MIDN: variants seen among roughly 807,000 people sequenced by gnomAD.
The protein encoded by MIDN is midbrain nucleolar protein.
MIDN carries 26 observed loss-of-function variants against 46.1 expected under a neutral mutation model. The observed-to-expected ratio is 0.56, with a 90% confidence interval of 0.41 to 0.78. The LOEUF is 0.78. Among genes scored for constraint, MIDN ranks in the 30% least tolerant of loss-of-function variants. The pLI, the probability that MIDN is intolerant of heterozygous loss-of-function variation, is 0.00. For missense variants in MIDN, 850 were observed against 771.8 expected, an observed-to-expected ratio of 1.10 and a Z score of -1.20; for synonymous variants, 432 against 343.3, an observed-to-expected ratio of 1.26 and a Z score of -2.86.
Position 1,257,475 on chromosome 19 carries a change from C to T in MIDN, c.*203C>T, listed in dbSNP as rs370809735. The T allele has an allele frequency of 3.9e-5, 21 of 538,894 alleles. No individual in the cohort carries two copies. The highest frequency in any genetic ancestry group is 4.9e-5 in the Non-Finnish European group (15 of 306,890). 33.4% of individuals were successfully genotyped at this position (538,894 alleles called of 1,614,324 possible). A position where few individuals can be genotyped will look rare whatever the true frequency, so the allele number is the denominator to read the frequency against. On this transcript the variant is annotated 3_prime_UTR_variant, in exon 9 of 9. Transcript: ENST00000682408. ...CGTGGTTTCCTGGACTCTTCATGGG[C>T]TTTGCTTCCTACCTCCTTCACCCTT...
intron 8 of MIDN, among the ~76,000 whole-genome samples, chr19:1,256,339 C>G (rs1018249256): frequency 2.0e-5 from 3 of 152,110 alleles, no homozygotes; most frequent in Non-Finnish European, 2.9e-5. Context: ...AAAAATTAGC[C>G]AGGCGTGGTG....
chr19:1,252,441 C>G (rs75706642), intron 4 of MIDN, among the ~76,000 whole-genome samples: 1 of 152,124 alleles, frequency 6.6e-6, no homozygotes, highest in East Asian at 1.9e-4. Flanking sequence ...GGTGCCCAGC[C>G]CTGGGGCCAG....
rs1448932636 is a variant in MIDN at position 1,255,690 on chromosome 19, C to G, written c.1254C>G (p.Pro418=). The G allele has an allele frequency of 1.3e-6, 2 of 1,573,100 alleles. No individual in the cohort carries two copies. The highest frequency in any genetic ancestry group is 1.7e-6 in the Non-Finnish European group (2 of 1,162,998). ...AGAGCCAGATCCGCATGTGCAAGCC[C>G]CCGGGTGAGTGGCCACCCTCGGGGG... ...QGQSQIRMCK[P]PGDRLRQTEN... is the part of the protein sequence containing the mutation. The change falls in exon 8 of 9, where the codon CCC becomes CCG. Residue 418 remains proline (P), a synonymous_variant. Coordinates refer to ENST00000682408, the MANE Select transcript of MIDN (RefSeq NM_001388306.1).
chr19:1,254,450 C>G lies in MIDN; in HGVS notation c.797C>G (p.Ser266Cys). The change falls in exon 6 of 9, where the codon TCC becomes TGC. Residue 266 changes from serine to cysteine, a missense_variant. By Grantham distance (112) the Ser-to-Cys change is moderately radical. Transcript: ENST00000682408. Reference sequence around the variant, plus strand: ...CCCATCACAGCCGGCTCCTTCCGGTCCCACGCAGCCTCCACCACCTGCCCG... The same window carrying G: ...CCCATCACAGCCGGCTCCTTCCGGTGCCACGCAGCCTCCACCACCTGCCCG... The part of the protein sequence containing the change: ...PSPITAGSFR[S>C]HAASTTCPEQ... The G allele has an allele frequency of 6.4e-7, 1 of 1,562,580 alleles. No homozygotes were observed. The highest frequency in any genetic ancestry group is 8.6e-7 in the Non-Finnish European group (1 of 1,161,196).
At position 1,254,316 on chromosome 19, in the gene MIDN, G is replaced by A. The variant is rs778873718; in HGVS notation, c.663G>A (p.Ala221=). 8.6e-5 allele frequency: 135 copies of A among 1,570,996 alleles called. No individual in the cohort carries two copies. The highest frequency in any genetic ancestry group is 7.9e-5 in the South Asian group (7 of 88,140). The change falls in exon 6 of 9, where the codon GCG becomes GCA. Residue 221 remains alanine (A), a synonymous_variant. Coordinates refer to ENST00000682408, the MANE Select transcript of MIDN (RefSeq NM_001388306.1). The part of the protein sequence containing the change: ...VLAAAAAAAA[A]RGDPSIASPV... The stretch of plus-strand genomic sequence containing the variant: ...CCGCTGCGGCCGCCGCCGCTGCTGC[G>A]CGGGGGGACCCCAGCATAGCCTCCC...
chr19:1,250,109 G>GAGA lies in MIDN; in HGVS notation c.-188_-187insAGA, dbSNP rs2081105376. The GAGA allele has an allele frequency of 4.5e-5, 7 of 155,680 alleles. No homozygotes were observed. In the Admixed American group the frequency reaches 4.6e-4, roughly 10 times the overall value. The allele number at this position is 155,680 out of a possible 1,614,324, so 9.6% of individuals were successfully genotyped here. On this transcript the variant is annotated 5_prime_UTR_variant, in exon 2 of 9. Coordinates refer to ENST00000682408, the MANE Select transcript of MIDN (RefSeq NM_001388306.1). The stretch of plus-strand genomic sequence containing the variant: ...CCCCAGGAGCCGGAGCGACCTCGGA[G>GAGA]CGCCACTCGGATTTTGGATTTCGGT...
chr19:1,254,828 G>A, intron 6 of MIDN, 74 bp from the exon 7 acceptor site: 1 of 1,499,190 alleles, frequency 6.7e-7, no homozygotes. Context: ...GCTGGTGGGT[G>A]ATCTCTGGTC....
Position 1,257,447 on chromosome 19 carries a change from G to C in MIDN, c.*175G>C. ...TTTTTTTCTTTTTTTAAAAAGTTCT[G>C]ACCGTGGTTTCCTGGACTCTTCATG... On this transcript the variant is annotated 3_prime_UTR_variant, in exon 9 of 9. Transcript: ENST00000682408. 1.7e-6 allele frequency: 1 copy of C among 588,016 alleles called. No homozygotes were observed. 36.4% of individuals were successfully genotyped at this position (588,016 alleles called of 1,614,324 possible).
intron 8 of MIDN, 36 bp downstream of exon 8, chr19:1,255,730 C>G (rs767750903): frequency 6.7e-7 from 1 of 1,498,688 alleles, no homozygotes; most frequent in Non-Finnish European, 8.9e-7. Context: ...ACCTTCCCCG[C>G]CCGCCTGGGC....
In MIDN at chr19:1,255,586, C is replaced by T. The variant is rs745476081; in HGVS notation, c.1150C>T (p.Pro384Ser). The T allele has an allele frequency of 6.2e-7, 1 of 1,610,956 alleles. No homozygotes were observed. The change falls in exon 8 of 9, where the codon CCG becomes TCG. Residue 384 changes from proline to serine, a missense_variant. By Grantham distance (74) the Pro-to-Ser change is moderately conservative. Transcript: ENST00000682408. ...CCACGCCCAGTGCTCCCCGGCCTCA[C>T]CGGCCCCCGACCTGGCCCCCAGAAC... Reference protein sequence around the residue: ...RCHAQCSPASPAPDLAPRTTS... With the variant: ...RCHAQCSPASSAPDLAPRTTS...
intron 7 of MIDN, among the ~76,000 whole-genome samples, 167 bp from the exon 8 acceptor site, chr19:1,255,255 G>A (rs976432005): frequency 4.6e-5 from 7 of 152,066 alleles, no homozygotes; most frequent in South Asian, 2.1e-4. Context: ...GTCACCAGGC[G>A]CCTGCATACT....
At chr19:1,252,978 G>A (rs1599980821) in intron 4 of MIDN, among the ~76,000 whole-genome samples, 2 of 151,622 alleles carry the variant, frequency 1.3e-5, no homozygotes, top group African/African-American at 4.8e-5. Context: ...GGGGGCCCAG[G>A]GCGTGTTGGC....
Position 1,250,522 on chromosome 19 carries a change from A to G in MIDN, c.226A>G (p.Lys76Glu). 7.7e-7 allele frequency: 1 copy of G among 1,298,478 alleles called. No individual in the cohort carries two copies. The highest frequency in any genetic ancestry group is 1.0e-6 in the Non-Finnish European group (1 of 997,066). 80.4% of individuals were successfully genotyped at this position (1,298,478 alleles called of 1,614,324 possible). ...VPKERLALLH[K>E]DTRLSSGKLQ... Reference sequence around the variant, plus strand: ...CAAGGAGCGCCTGGCTCTTCTCCACAAAGACACGTAGGTACCGCGCGCCCC... The same window carrying G: ...CAAGGAGCGCCTGGCTCTTCTCCACGAAGACACGTAGGTACCGCGCGCCCC... Residue 76 changes from lysine to glutamate, a missense_variant, in exon 2 of 9, where the codon AAA becomes GAA. Transcript: ENST00000682408.
At position 1,250,404 on chromosome 19, in the gene MIDN, C is replaced by T. The variant is rs760623821; in HGVS notation, c.108C>T (p.His36=). Residue 36 remains histidine (H), a synonymous_variant, in exon 2 of 9, where the codon CAC becomes CAT. Coordinates refer to ENST00000682408, the MANE Select transcript of MIDN (RefSeq NM_001388306.1). ...AEAAPMSLAI[H]STTGTRYDLA... is the part of the protein sequence containing the mutation. ...CGGCGCCCATGAGCCTCGCCATCCACAGCACCACGGGCACCCGCTACGACC... is the reference window on the plus strand; with the variant it reads ...CGGCGCCCATGAGCCTCGCCATCCATAGCACCACGGGCACCCGCTACGACC... The T allele has an allele frequency of 7.5e-6, 10 of 1,325,578 alleles. No individual in the cohort carries two copies. Among genetic ancestry groups the T allele is most frequent in the Admixed American group, 6.8e-5 (3 of 44,110 alleles). The allele number at this position is 1,325,578 out of a possible 1,614,324, so 82.1% of individuals were successfully genotyped here. A position where few individuals can be genotyped will look rare whatever the true frequency, so the allele number is the denominator to read the frequency against.
In MIDN at chr19:1,257,115, A is replaced by G; in HGVS notation, c.1379A>G (p.His460Arg). ...KARRDARGPY[H>R]WSPSRKAGRS... ...CGGCGGGACGCGCGGGGTCCGTACC[A>G]CTGGTCACCCAGCCGCAAGGCCGGC... The change falls in exon 9 of 9, where the codon CAC (histidine) becomes CGC (arginine). Residue 460 changes from histidine (H) to arginine (R), a missense_variant. Transcript: ENST00000682408. The G allele has an allele frequency of 6.2e-7, 1 of 1,611,766 alleles. No homozygotes were observed. Among genetic ancestry groups the G allele is most frequent in the Non-Finnish European group, 8.5e-7 (1 of 1,179,456 alleles).
In MIDN at chr19:1,257,110, G is replaced by A. The variant is rs374512402; in HGVS notation, c.1374G>A (p.Pro458=). 3.4e-5 allele frequency: 55 copies of A among 1,611,712 alleles called. No homozygotes were observed. In the East Asian group the frequency reaches 3.6e-4, roughly 10 times the overall value. ...RRKARRDARG[P]YHWSPSRKAG... ...AGGCCCGGCGGGACGCGCGGGGTCC[G>A]TACCACTGGTCACCCAGCCGCAAGG... The change falls in exon 9 of 9, where the codon CCG becomes CCA. Residue 458 remains proline, a synonymous_variant. Transcript: ENST00000682408.
chr19:1,257,626 A>C lies in MIDN; in HGVS notation c.*354A>C. On this transcript the variant is annotated 3_prime_UTR_variant, in exon 9 of 9. Transcript: ENST00000682408. ...ATGTAGCAGTCTCTCTGGATGGCGGAGAGTGAAGGAGACGGAGAAACGCGC... is the reference window on the plus strand; with the variant it reads ...ATGTAGCAGTCTCTCTGGATGGCGGCGAGTGAAGGAGACGGAGAAACGCGC... The C allele has an allele frequency of 4.0e-6, 1 of 248,220 alleles. No individual in the cohort carries two copies. The highest frequency in any genetic ancestry group is 7.7e-6 in the Non-Finnish European group (1 of 129,066). The allele number at this position is 248,220 out of a possible 1,614,324, so 15.4% of individuals were successfully genotyped here.
Position 1,258,373 on chromosome 19 carries a change from G to A in MIDN, c.*1101G>A, listed in dbSNP as rs561064033. On this transcript the variant is annotated 3_prime_UTR_variant, in exon 9 of 9. Coordinates refer to ENST00000682408, the MANE Select transcript of MIDN (RefSeq NM_001388306.1). The stretch of plus-strand genomic sequence containing the variant: ...ACAACTCCGTGTAGCATTAACCCCC[G>A]TGGCGGGGTCCGCTGCTGGTCTAAT... 2.0e-5 allele frequency: 3 copies of A among 152,706 alleles called. No homozygotes were observed. The highest frequency in any genetic ancestry group is 4.1e-4 in the South Asian group (2 of 4,840). 9.5% of individuals were successfully genotyped at this position (152,706 alleles called of 1,614,324 possible).
In MIDN at chr19:1,257,284, C is replaced by A. The variant is rs1445312702; in HGVS notation, c.*12C>A. The A allele has an allele frequency of 1.2e-6, 2 of 1,608,806 alleles. No homozygotes were observed. The highest frequency in any genetic ancestry group is 2.7e-5 in the African/African-American group (2 of 74,934). ...TCGTGGTGGCTTAGGATCTTCGGATCGGCCACCCTCGCCCCTCGCACCCCA... is the reference window on the plus strand; with the variant it reads ...TCGTGGTGGCTTAGGATCTTCGGATAGGCCACCCTCGCCCCTCGCACCCCA... On this transcript the variant is annotated 3_prime_UTR_variant, in exon 9 of 9. Coordinates refer to ENST00000682408, the MANE Select transcript of MIDN (RefSeq NM_001388306.1).
Sources: allele counts gnomAD v4.1 joint callset (sites outside exome capture counted in the v4.1 genomes callset), GRCh38; gene constraint gnomAD v4.1.1; transcripts MANE v1.5; gene names NCBI Gene and HGNC (gene_info 2026-07-23, HGNC 2026-07-21).